ARID5A: variants seen among roughly 807,000 people sequenced by gnomAD.
ARID5A encodes AT-rich interactive domain-containing protein 5A.
ARID5A carries 14 observed loss-of-function variants against 30.5 expected under a neutral mutation model. The observed-to-expected ratio is 0.46, with a 90% CI of 0.30 to 0.72. The LOEUF is 0.72. ARID5A is among the 30% of genes least tolerant of loss of function. The pLI is 0.07. For synonymous variants in ARID5A, 338 were observed against 340.4 expected (o/e 0.99, Z 0.08); for missense variants, 669 against 786.2 (o/e 0.85, Z 1.78).
intron 1 of ARID5A, among the ~76,000 whole-genome samples, chr2:96,544,663 G>A (rs1409714929): frequency 7.2e-5 from 11 of 152,190 alleles, no homozygotes; most frequent in African/African-American, 2.4e-4. Context: ...ATGCAAGAGC[G>A]CTGATGAAAA....
rs1022286033 is a variant in ARID5A, at chr2:96,552,158, C to T, written c.1630C>T (p.Pro544Ser). The change falls in exon 7 of 7, where the codon CCC (proline) becomes TCC (serine). Residue 544 changes from proline to serine, a missense_variant. Physicochemically the swap from Pro to Ser is moderately conservative, Grantham distance 74. Around this residue, in one of 4 missense-constraint regions of ARID5A, gnomAD observed 548 missense variants for 577.4 expected, o/e 0.95. Coordinates refer to ENST00000357485, the MANE Select transcript of ARID5A (RefSeq NM_212481.3). ...FPAHFLATAG[P>S]SPMAAGLMHF... ...GGCCCACTTCCTGGCCACCGCAGGC[C>T]CCTCGCCCATGGCCGCTGGCCTGAT... 19 of 1,613,090 alleles carry T rather than the reference C, an allele frequency of 1.2e-5. No individual in the cohort carries two copies. The highest frequency in any genetic ancestry group is 3.3e-4 in the Middle Eastern group (2 of 6,084).
rs1272954118 is a variant in ARID5A at position 96,537,036 on chromosome 2, G to T, written c.4+206G>T. 6.6e-6 allele frequency among the ~76,000 whole-genome samples: 1 copy of T among 152,128 alleles called. No homozygotes were observed. The highest frequency in any genetic ancestry group is 6.5e-5 in the Admixed American group (1 of 15,286). ...GCGCTCCCCGGCCGGCGCGGAAGGG[G>T]TGAGGCTGGGCGTCCGCGCGAGCTT... On this transcript the variant is annotated intron_variant, in intron 1 of 6. Coordinates refer to ENST00000357485, the MANE Select transcript of ARID5A (RefSeq NM_212481.3). This position sits in a 1 kb window ranked among gnomAD's most constrained non-coding sequence, Gnocchi z 4.8.
At chr2:96,538,451 C>T (rs1415571888) in intron 1 of ARID5A, 7 of 535,570 alleles carry the variant, frequency 1.3e-5, no homozygotes, top group African/African-American at 8.3e-5. Flanking sequence ...CTGTCTCTCT[C>T]GCCCTCCCCC....
Position 96,549,215 on chromosome 2 carries a change from G to C in ARID5A, c.121-106G>C. The C allele has an allele frequency of 6.6e-7, 1 of 1,526,516 alleles. No individual in the cohort carries two copies. Among genetic ancestry groups the C allele is most frequent in the Non-Finnish European group, 8.8e-7 (1 of 1,138,176 alleles). The allele number at this position is 1,526,516 out of a possible 1,614,324, so 94.6% of individuals were successfully genotyped here. On this transcript the variant is annotated intron_variant, in intron 2 of 6. Coordinates refer to ENST00000357485, the MANE Select transcript of ARID5A (RefSeq NM_212481.3). The surrounding 1 kb of genome is among the most constrained non-coding windows in gnomAD (Gnocchi z 6.1). ...GGCTAGGTGTTCTCTGGGAAACTGGGGTTGGGGTAGGTACCTTATTCCTCC... is the reference window on the plus strand; with the variant it reads ...GGCTAGGTGTTCTCTGGGAAACTGGCGTTGGGGTAGGTACCTTATTCCTCC...
rs2066017132 is a variant in ARID5A, at chr2:96,550,562, G to T, written c.411-12G>T. 1.3e-6 allele frequency: 2 copies of T among 1,590,464 alleles called. No individual in the cohort carries two copies. The highest frequency in any genetic ancestry group is 1.1e-5 in the South Asian group (1 of 87,260). On this transcript the variant is annotated splice_polypyrimidine_tract_variant and intron_variant, in intron 5 of 6. Transcript: ENST00000357485. This position sits in a 1 kb window ranked among gnomAD's most constrained non-coding sequence, Gnocchi z 6.6. Reference sequence around the variant, plus strand: ...GCCGGCCTCCTGGGGGACATGCGTGGTTCCTCACCAGGCTGGTCCTGCCAT... The same window carrying T: ...GCCGGCCTCCTGGGGGACATGCGTGTTTCCTCACCAGGCTGGTCCTGCCAT...
rs758025417 is a variant in ARID5A at position 96,549,340 on chromosome 2, G to GGGAGCGGGAGGAGGAGCA, written c.161_178dup (p.Glu54_Gln59dup). On this transcript the variant is annotated inframe_insertion, in exon 3 of 7. Transcript: ENST00000357485. This position sits in a 1 kb window ranked among gnomAD's most constrained non-coding sequence, Gnocchi z 6.1. The stretch of plus-strand genomic sequence containing the variant: ...CCCCAGGACTCCCCCGAGGCAGGCG[G>GGGAGCGGGAGGAGGAGCA]GGAGCGGGAGGAGGAGCAGGAGCGG... The GGGAGCGGGAGGAGGAGCA allele has an allele frequency of 2.4e-5, 39 of 1,613,426 alleles. No homozygotes were observed. The highest frequency in any genetic ancestry group is 8.0e-5 in the African/African-American group (6 of 74,900).
intron 1 of ARID5A, among the ~76,000 whole-genome samples, chr2:96,540,153 T>G (rs896989952): frequency 6.6e-6 from 1 of 152,200 alleles, no homozygotes; most frequent in Non-Finnish European, 1.5e-5. Flanking sequence ...GGGCACTGAT[T>G]TGAGTCGGTG....
chr2:96,547,382 C>A lies in ARID5A; in HGVS notation c.5-20C>A. 6.2e-7 allele frequency: 1 copy of A among 1,607,560 alleles called. No individual in the cohort carries two copies. The highest frequency in any genetic ancestry group is 8.5e-7 in the Non-Finnish European group (1 of 1,174,614). ...CTCTCCCCACCCCTTCCTCCTTACT[C>A]CTTCCCTCTCTCCTTGCAGCAGCCC... On this transcript the variant is annotated intron_variant, in intron 1 of 6. Transcript: ENST00000357485.
intron 1 of ARID5A, among the ~76,000 whole-genome samples, chr2:96,540,390 T>A (rs1220925398): frequency 6.6e-6 from 1 of 152,138 alleles, no homozygotes; most frequent in Non-Finnish European, 1.5e-5. Flanking sequence ...AGGGACTGGG[T>A]CACTAGGAGC....
rs2065978264 is a variant in ARID5A at position 96,549,035 on chromosome 2, G to A, written c.121-286G>A. Among the ~76,000 whole-genome samples the A allele has an allele frequency of 6.6e-6, 1 of 152,230 alleles. No homozygotes were observed. Among genetic ancestry groups the A allele is most frequent in the African/African-American group, 2.4e-5 (1 of 41,460 alleles). ...AGAGAAGTGACCCTGGCCTGGAGAA[G>A]GCTGGGGACTGCTCTCGTGGCAGCC... On this transcript the variant is annotated intron_variant, in intron 2 of 6. Coordinates refer to ENST00000357485, the MANE Select transcript of ARID5A (RefSeq NM_212481.3). The surrounding 1 kb of genome is among the most constrained non-coding windows in gnomAD (Gnocchi z 6.1).
chr2:96,544,381 G>A (rs531777348), intron 1 of ARID5A, among the ~76,000 whole-genome samples: 4 of 152,328 alleles, frequency 2.6e-5, no homozygotes, highest in Admixed American at 2.6e-4. Flanking sequence ...CAAAAGACAG[G>A]CTGACTCTCT....
In ARID5A at chr2:96,552,051, C is replaced by G; in HGVS notation, c.1523C>G (p.Pro508Arg). The G allele has an allele frequency of 6.4e-7, 1 of 1,570,682 alleles. No individual in the cohort carries two copies. Residue 508 changes from proline (P) to arginine (R), a missense_variant, in exon 7 of 7, where the codon CCG becomes CGG. Around this residue, in one of 4 missense-constraint regions of ARID5A, gnomAD observed 548 missense variants for 577.4 expected, o/e 0.95. Coordinates refer to ENST00000357485, the MANE Select transcript of ARID5A (RefSeq NM_212481.3). Reference protein sequence around the residue: ...EAYRGTMLHCPLNFTGTPGPL... With the variant: ...EAYRGTMLHCRLNFTGTPGPL... ...TACAGGGGCACCATGCTGCACTGCC[C>G]GCTGAACTTCACTGGCACCCCGGGC...
Position 96,550,692 on chromosome 2 carries a change from G to C in ARID5A, c.529G>C (p.Glu177Gln). The change falls in exon 6 of 7, where the codon GAG becomes CAG. Residue 177 changes from glutamate (E) to glutamine (Q), a missense_variant. This residue lies in a region of ARID5A where 548 missense variants were observed against 577.4 expected (regional missense o/e 0.95). Coordinates refer to ENST00000357485, the MANE Select transcript of ARID5A (RefSeq NM_212481.3). This position sits in a 1 kb window ranked among gnomAD's most constrained non-coding sequence, Gnocchi z 6.6. Reference protein sequence around the residue: ...KENRGDDGATERPKKAKEERR... With the variant: ...KENRGDDGATQRPKKAKEERR... ...GAACAGGGGGGATGATGGGGCCACC[G>C]AGAGGCCGAAGAAGGCCAAGGAGGA... is the stretch of plus-strand genomic sequence containing the variant. The C allele has an allele frequency of 6.3e-7, 1 of 1,596,864 alleles. No individual in the cohort carries two copies. The highest frequency in any genetic ancestry group is 8.5e-7 in the Non-Finnish European group (1 of 1,172,672).
At position 96,550,652 on chromosome 2, in the gene ARID5A, C is replaced by G. The variant is rs1258054239; in HGVS notation, c.489C>G (p.Tyr163Ter). 3 of 1,607,076 alleles carry G rather than the reference C, an allele frequency of 1.9e-6. No individual in the cohort carries two copies. Among genetic ancestry groups the G allele is most frequent in the African/African-American group, 1.3e-5 (1 of 74,846 alleles). ...CCACCTCCAAGCCCAGGAAACAGTA[C>G]AAGATGGCTAAGGAGAACAGGGGGG... is the stretch of plus-strand genomic sequence containing the variant. ...PLPTSKPRKQ[Y>*]KMAKENRGDD... The change falls in exon 6 of 7, where the codon TAC becomes TAG. Residue 163 changes from tyrosine to a stop codon, truncating the protein, a stop_gained. Transcript: ENST00000357485. LOFTEE classifies it high-confidence loss of function. The surrounding 1 kb of genome is among the most constrained non-coding windows in gnomAD (Gnocchi z 6.6).
chr2:96,549,758 C>T lies in ARID5A; in HGVS notation c.265C>T (p.Leu89=), dbSNP rs376551469. The T allele has an allele frequency of 1.9e-6, 3 of 1,613,930 alleles. No homozygotes were observed. The highest frequency in any genetic ancestry group is 2.5e-6 in the Non-Finnish European group (3 of 1,179,952). The change falls in exon 4 of 7, where the codon CTG becomes TTG. Residue 89 remains leucine, a synonymous_variant. Transcript: ENST00000357485. This position sits in a 1 kb window ranked among gnomAD's most constrained non-coding sequence, Gnocchi z 6.1. ...CCTGCTCTTCTCTCCCCCAGTTAAC[C>T]TGTGGAAGATCTACAAAGCAGTGGA... ...VPHLGFKQIN[L]WKIYKAVEKL...
At position 96,538,265 on chromosome 2, in the gene ARID5A, C is replaced by T. The variant is rs146462409; in HGVS notation, c.4+1435C>T. Reference sequence around the variant, plus strand: ...TCACCACCAAATGTGGCCCAGACTCCGTGGGGAGGGACAGTCCCATCCTGG... The same window carrying T: ...TCACCACCAAATGTGGCCCAGACTCTGTGGGGAGGGACAGTCCCATCCTGG... On this transcript the variant is annotated intron_variant, in intron 1 of 6. Transcript: ENST00000357485. 1.6e-4 allele frequency: 159 copies of T among 985,520 alleles called. No homozygotes were observed. The African/African-American group carries it at 2.6e-3, about 16-fold the overall frequency. The allele number at this position is 985,520 out of a possible 1,614,324, so 61.0% of individuals were successfully genotyped here.
intron 1 of ARID5A, among the ~76,000 whole-genome samples, chr2:96,544,319 A>C (rs891672544): frequency 5.9e-5 from 9 of 152,046 alleles, no homozygotes; most frequent in African/African-American, 1.9e-4. Context: ...TTGTATCAGA[A>C]GAAGATGTCA....
At position 96,552,285 on chromosome 2, in the gene ARID5A, ACTT is replaced by A; in HGVS notation, c.1762_1764del (p.Phe588del). On this transcript the variant is annotated inframe_deletion, in exon 7 of 7. Coordinates refer to ENST00000357485, the MANE Select transcript of ARID5A (RefSeq NM_212481.3). ...CCAGTCACAACCTATGCAGCGCCCC[ACTT>A]CTTCCACCTCAACACCAAGCTGTAG... is the stretch of plus-strand genomic sequence containing the variant. 6.2e-7 allele frequency: 1 copy of A among 1,613,024 alleles called. No individual in the cohort carries two copies. The highest frequency in any genetic ancestry group is 8.5e-7 in the Non-Finnish European group (1 of 1,179,754).
Position 96,551,903 on chromosome 2 carries a change from C to A in ARID5A, c.1375C>A (p.Leu459Met), listed in dbSNP as rs1290459307. The A allele has an allele frequency of 6.5e-6, 10 of 1,540,688 alleles. No individual in the cohort carries two copies. The highest frequency in any genetic ancestry group is 8.7e-6 in the Non-Finnish European group (10 of 1,146,076). ...GGGTGCTGCCCACAGTGGGAAGAGA[C>A]TGCGGGCCGTGTCTCCCTTTCTTAA... ...EEGAAHSGKR[L>M]RAVSPFLKEA... Residue 459 changes from leucine (L) to methionine (M), a missense_variant, in exon 7 of 7, where the codon CTG becomes ATG. Physicochemically the swap from Leu to Met is conservative, Grantham distance 15. Around this residue, in one of 4 missense-constraint regions of ARID5A, gnomAD observed 548 missense variants for 577.4 expected, o/e 0.95. Transcript: ENST00000357485.
Sources: gnomAD v4.1 joint callset for allele counts (sites outside exome capture counted in the v4.1 genomes callset) on GRCh38, gnomAD v4.1.1 for gene constraint, gnomAD v4.1.1 regional missense constraint, Gnocchi (gnomAD v3.1) non-coding constraint, MANE v1.5 for transcripts, NCBI Gene and HGNC (gene_info 2026-07-23, HGNC 2026-07-21) for gene names.